Variants in RYR2 observed in about 807,000 individuals in gnomAD.
RYR2 encodes ryanodine receptor 2, also known as cardiac muscle ryanodine receptor-calcium release channel.
RYR2 carries 227 observed loss-of-function variants against 601.1 expected under a neutral mutation model. The observed-to-expected ratio is 0.38, with a 90% CI of 0.34 to 0.42. The LOEUF is 0.42. RYR2 is among the 10% of genes least tolerant of loss of function. RYR2 has a pLI of 1.00. For missense variants in RYR2, 4,646 were observed against 6,156.5 expected (o/e 0.75, Z 8.21); for synonymous variants, 2,223 against 2,175.1 (o/e 1.02, Z -0.61).
chr1:237,603,339 C>G (rs951209564), intron 35 of RYR2, among the ~76,000 whole-genome samples: 2 of 152,042 alleles, frequency 1.3e-5, no homozygotes, highest in African/African-American at 4.8e-5. Flanking sequence ...CTGGTGCCCC[C>G]CTGTCCCAGC....
intron 29 of RYR2, among the ~76,000 whole-genome samples, chr1:237,573,674 T>G (rs1158436515): frequency 6.6e-6 from 1 of 151,472 alleles, no homozygotes; most frequent in Non-Finnish European, 1.5e-5. Flanking sequence ...TAGCCCAGCG[T>G]GGTGGCGGGC....
intron 79 of RYR2, among the ~76,000 whole-genome samples, chr1:237,735,320 A>G (rs1691043911): frequency 6.6e-6 from 1 of 152,186 alleles, no homozygotes; most frequent in Non-Finnish European, 1.5e-5. Context: ...GAGGGAACAG[A>G]AAGATATAAG....
chr1:237,655,306 C>CT (rs1323812246), intron 52 of RYR2, among the ~76,000 whole-genome samples: 2 of 152,012 alleles, frequency 1.3e-5, no homozygotes, highest in Admixed American at 1.3e-4. Flanking sequence ...ATAGCTCTTC[C>CT]TATAAATTTT....
chr1:237,227,429 T>G (rs911349450), intron 1 of RYR2, among the ~76,000 whole-genome samples: 7 of 152,164 alleles, frequency 4.6e-5, no homozygotes, highest in Non-Finnish European at 8.8e-5. Context: ...TTGATAAAAA[T>G]TTATTTACAA....
intron 2 of RYR2, among the ~76,000 whole-genome samples, chr1:237,315,934 T>G (rs924514141): frequency 6.6e-6 from 1 of 152,174 alleles, no homozygotes; most frequent in Non-Finnish European, 1.5e-5. Flanking sequence ...GGGATTTTTT[T>G]TCTTCTATTA....
At chr1:237,114,752 T>TA (rs752819626) in intron 1 of RYR2, among the ~76,000 whole-genome samples, 61 of 152,304 alleles carry the variant, frequency 4.0e-4, no homozygotes, top group Non-Finnish European at 3.1e-4. Flanking sequence ...ATCCCAGCCC[T>TA]ACCACCTTTT....
chr1:237,384,993 C>A (rs1205744719), intron 8 of RYR2, among the ~76,000 whole-genome samples: 1 of 152,010 alleles, frequency 6.6e-6, no homozygotes, highest in Non-Finnish European at 1.5e-5. Context: ...GGGTTCACAC[C>A]ATTTTCCTGC....
chr1:237,166,090 A>G lies in RYR2; in HGVS notation c.49-104407A>G, dbSNP rs75678385. On this transcript the variant is annotated intron_variant, in intron 1 of 104. Coordinates refer to ENST00000366574, the MANE Select transcript of RYR2 (RefSeq NM_001035.3). The stretch of plus-strand genomic sequence containing the variant: ...ATGATCTTAATGACCCACTATCAGC[A>G]TGGTGAGATTCCTCTGTCAGGCCAC... Among the ~76,000 whole-genome samples, 1,278 of 152,298 alleles carry G rather than the reference A, an allele frequency of 8.4e-3. 20 individuals are homozygous for G. Among genetic ancestry groups the G allele is most frequent in the African/African-American group, 0.029 (1,200 of 41,576 alleles).
At chr1:237,233,856 T>G (rs1385598985) in intron 1 of RYR2, among the ~76,000 whole-genome samples, 3 of 150,908 alleles carry the variant, frequency 2.0e-5, no homozygotes, top group Non-Finnish European at 4.4e-5. Flanking sequence ...CTGGCTAATT[T>G]TTGTATTTTT....
At chr1:237,571,315 C>T (rs1311390051) in intron 29 of RYR2, among the ~76,000 whole-genome samples, 3 of 134,288 alleles carry the variant, frequency 2.2e-5, no homozygotes, top group East Asian at 2.1e-4. Flanking sequence ...CTTTTCTTTT[C>T]TTTTTTTTTT....
intron 23 of RYR2, among the ~76,000 whole-genome samples, chr1:237,509,247 G>A (rs925175523): frequency 1.3e-5 from 2 of 152,122 alleles, no homozygotes; most frequent in African/African-American, 2.4e-5. Flanking sequence ...CTCATCTAAT[G>A]TATGATTTGC....
At chr1:237,142,692 C>G (rs16834891) in intron 1 of RYR2, among the ~76,000 whole-genome samples, 1 of 152,090 alleles carries the variant, frequency 6.6e-6, no homozygotes, top group Non-Finnish European at 1.5e-5. Flanking sequence ...TGATCTCGTC[C>G]GCACTGTGAG....
At position 237,538,632 on chromosome 1, in the gene RYR2, C is replaced by T. The variant is rs779765244; in HGVS notation, c.2906+8122C>T. On this transcript the variant is annotated intron_variant, in intron 25 of 104. Coordinates refer to ENST00000366574, the MANE Select transcript of RYR2 (RefSeq NM_001035.3). ...ACTAAAAATACAAAAATTAGCTGGG[C>T]GTGGTGGCACAACCTGTAATCCCGG... 8.1e-4 allele frequency among the ~76,000 whole-genome samples: 123 copies of T among 151,084 alleles called. 1 individual carries two copies. Among genetic ancestry groups the T allele is most frequent in the Middle Eastern group, 3.4e-3 (1 of 290 alleles).
intron 14 of RYR2, among the ~76,000 whole-genome samples, chr1:237,446,449 A>G (rs896083268): frequency 2.0e-5 from 3 of 152,050 alleles, no homozygotes; most frequent in African/African-American, 7.2e-5. Context: ...ATGTTTAGAG[A>G]TATTCATTTC....
intron 1 of RYR2, among the ~76,000 whole-genome samples, chr1:237,222,592 C>G (rs974201849): frequency 6.6e-6 from 1 of 151,904 alleles, no homozygotes; most frequent in Non-Finnish European, 1.5e-5. Context: ...TTTGATAGTA[C>G]GCTGGAAAGA....
intron 85 of RYR2, 118 bp downstream of exon 85, chr1:237,771,005 T>C (rs1483383352): frequency 1.5e-5 from 8 of 551,512 alleles, no homozygotes; most frequent in East Asian, 6.3e-5. Flanking sequence ...CAAATCATTC[T>C]AGAGCATGAC....
At chr1:237,703,573 T>C (rs1688131321) in intron 66 of RYR2, among the ~76,000 whole-genome samples, 1 of 148,348 alleles carries the variant, frequency 6.7e-6, no homozygotes, top group Middle Eastern at 3.6e-3. Context: ...TATATATATA[T>C]AGTGCTTATA....
At chr1:237,459,661 T>C (rs1200954514) in intron 16 of RYR2, among the ~76,000 whole-genome samples, 1 of 152,194 alleles carries the variant, frequency 6.6e-6, no homozygotes, top group Non-Finnish European at 1.5e-5. Context: ...GCACTTCAGC[T>C]TTATCCTTCT....
chr1:237,596,516 T>G (rs1011502895), intron 34 of RYR2, among the ~76,000 whole-genome samples: 7 of 150,936 alleles, frequency 4.6e-5, no homozygotes, highest in African/African-American at 1.7e-4. Flanking sequence ...GAAAAAGAAA[T>G]AAAAATAAGA....
Sources: allele counts gnomAD v4.1 joint callset (sites outside exome capture counted in the v4.1 genomes callset), GRCh38; gene constraint gnomAD v4.1.1; transcripts MANE v1.5; gene names NCBI Gene and HGNC (gene_info 2026-07-23, HGNC 2026-07-21).